Variants in NR1H3 observed in about 807,000 individuals in gnomAD.
NR1H3 encodes the protein oxysterols receptor LXR-alpha.
A neutral mutation model predicts 48.1 loss-of-function variants in NR1H3; 19 were observed. The ratio of observed to expected loss-of-function variants is 0.40; its 90% CI spans 0.28 to 0.58. The LOEUF is 0.58. NR1H3 is among the 20% of genes least tolerant of loss of function. NR1H3 has a pLI of 0.50. For missense variants in NR1H3, 486 were observed against 595.9 expected (o/e 0.82, Z 1.92); for synonymous variants, 232 against 227.3 (o/e 1.02, Z -0.19).
At chr11:47,266,478 G>GGC in intron 7 of NR1H3, among the ~76,000 whole-genome samples, 5 of 151,766 alleles carry the variant, frequency 3.3e-5, no homozygotes. Flanking sequence ...TGGGACTACA[G>GGC]GTGCGCCACC....
upstream of NR1H3, among the ~76,000 whole-genome samples, chr11:47,255,559 TTCTTTCTTTC>T (rs1338300878): frequency 4.3e-5 from 3 of 70,518 alleles, no homozygotes; most frequent in East Asian, 2.1e-3. Context: ...CTTTCTTTCT[TTCTTTCTTTC>T]TTTCTTTCTT....
upstream of NR1H3, chr11:47,257,909 C>T (rs2135599571): frequency 1.0e-6 from 1 of 985,124 alleles, no homozygotes; most frequent in East Asian, 1.1e-4. Flanking sequence ...GGGCTGTGGT[C>T]ACCAGGCAGG....
chr11:47,261,639 G>A lies in NR1H3; in HGVS notation c.801G>A (p.Glu267=). The change falls in exon 6 of 10, where the codon GAG becomes GAA. Residue 267 remains glutamate, a synonymous_variant. Transcript: ENST00000441012. ...AGCTGGCCATCGTCTCTGTGCAGGA[G>A]ATAGTTGACTTTGCTAAACAGCTAC... The part of the protein sequence containing the change: ...FTELAIVSVQ[E]IVDFAKQLPG... The A allele has an allele frequency of 6.2e-7, 1 of 1,614,248 alleles. No homozygotes were observed. Among genetic ancestry groups the A allele is most frequent in the East Asian group, 2.2e-5 (1 of 44,888 alleles).
intron 7 of NR1H3, among the ~76,000 whole-genome samples, chr11:47,263,212 G>A (rs1956091225): frequency 6.6e-6 from 1 of 151,014 alleles, no homozygotes. Context: ...GTCAAAAAGT[G>A]AACAAATCTT....
In NR1H3 at chr11:47,264,356, C is replaced by T. The variant is rs149601947; in HGVS notation, c.988+2338C>T. 3.9e-4 allele frequency among the ~76,000 whole-genome samples: 60 copies of T among 152,320 alleles called. No homozygotes were observed. The East Asian group carries it at 9.3e-3, about 24-fold the overall frequency. ...GCTCACGTGCCTCTTGCTCTCCCAA[C>T]GCAGTCCACCCAGTGAGCTTTCTAG... is the stretch of plus-strand genomic sequence containing the variant. On this transcript the variant is annotated intron_variant, in intron 7 of 9. Transcript: ENST00000441012.
At chr11:47,255,541 T>TTTTCTTTCTTTCTTTTTCTTTC (rs1955009469), upstream of NR1H3, among the ~76,000 whole-genome samples, 1 of 71,582 alleles carries the variant, frequency 1.4e-5, no homozygotes, top group African/African-American at 4.5e-5. Flanking sequence ...CTTTCTTTCT[T>TTTTCTTTCTTTCTTTTTCTTTC]TTTCTTTCTT....
chr11:47,261,888 T>A, intron 6 of NR1H3, 31 bp from the exon 7 acceptor site: 1 of 1,605,948 alleles, frequency 6.2e-7, no homozygotes, highest in Non-Finnish European at 8.5e-7. Context: ...GCCCTCCTAG[T>A]CCCCGTTTGA....
chr11:47,258,162 CTGTG>C, intron 1 of NR1H3, 33 bp downstream of exon 1: 3 of 984,526 alleles, frequency 3.0e-6, no homozygotes, highest in Admixed American at 6.2e-5. Context: ...GCCTGGGGCT[CTGTG>C]TGTGTATCTG....
In NR1H3 at chr11:47,259,170, C is replaced by T; in HGVS notation, c.-37-10C>T. 6.2e-7 allele frequency: 1 copy of T among 1,614,104 alleles called. No individual in the cohort carries two copies. Among genetic ancestry groups the T allele is most frequent in the East Asian group, 2.2e-5 (1 of 44,878 alleles). On this transcript the variant is annotated splice_polypyrimidine_tract_variant and intron_variant, in intron 1 of 9. Transcript: ENST00000441012. ...GTTCTAGAAGAGTATAATCTGGGTC[C>T]TTCCTGCAGGACAGTGCCTTGGTAA...
At chr11:47,248,847 A>C (rs1035330809), upstream of NR1H3, 2 of 1,552,962 alleles carry the variant, frequency 1.3e-6, no homozygotes, top group East Asian at 4.9e-5. Context: ...ACCTGCAAGC[A>C]GCCGCCCGGA....
At chr11:47,256,855 C>T (rs1273652756), upstream of NR1H3, among the ~76,000 whole-genome samples, 2 of 151,200 alleles carry the variant, frequency 1.3e-5, no homozygotes, top group Non-Finnish European at 2.9e-5. Context: ...CTCAGCCTCC[C>T]GAGTAGCTGG....
At chr11:47,248,318 C>CA, upstream of NR1H3, 1 of 1,052,402 alleles carries the variant, frequency 9.5e-7, no homozygotes, top group Non-Finnish European at 1.4e-6. Context: ...CTTAGCTAAG[C>CA]AATGCTACTG....
chr11:47,249,134 G>A, intron 1 of NR1H3: 1 of 838,850 alleles, frequency 1.2e-6, no homozygotes, highest in African/African-American at 1.7e-5. Flanking sequence ...CATGTCTGGA[G>A]AACCAGCGTC....
chr11:47,255,591 T>TCTCTCTCTCTCTC (rs1565178611), upstream of NR1H3, among the ~76,000 whole-genome samples: 4 of 59,450 alleles, frequency 6.7e-5, no homozygotes, highest in African/African-American at 3.4e-4. Flanking sequence ...CTTTCTTTCT[T>TCTCTCTCTCTCTC]TCTTTCTCTC....
chr11:47,266,482 C>T (rs770325000), intron 7 of NR1H3, among the ~76,000 whole-genome samples: 1 of 151,706 alleles, frequency 6.6e-6, no homozygotes, highest in Non-Finnish European at 1.5e-5. Context: ...ACTACAGGTG[C>T]GCCACCATGC....
At chr11:47,252,433 G>A (rs942828394) in intron 1 of NR1H3, among the ~76,000 whole-genome samples, 5 of 146,702 alleles carry the variant, frequency 3.4e-5, no homozygotes, top group Admixed American at 2.7e-4. Context: ...GGCTAATTTT[G>A]TATTTTTAGT....
At chr11:47,252,790 G>T (rs1236818062) in intron 1 of NR1H3, among the ~76,000 whole-genome samples, 1 of 148,052 alleles carries the variant, frequency 6.8e-6, no homozygotes, top group Non-Finnish European at 1.5e-5. Context: ...GGGTTTCGCC[G>T]TGTTAGCCTG....
upstream of NR1H3, among the ~76,000 whole-genome samples, chr11:47,253,598 G>A (rs959758036): frequency 6.6e-6 from 1 of 152,218 alleles, no homozygotes; most frequent in Non-Finnish European, 1.5e-5. Flanking sequence ...GTCCATCCCT[G>A]CAGACCTTAC....
chr11:47,248,826 C>T (rs535532913), upstream of NR1H3: 1,265 of 1,558,632 alleles, frequency 8.1e-4, 24 homozygotes, highest in South Asian at 0.014. Flanking sequence ...AGCTGGAACC[C>T]GCTGGGTGGC....
Sources: gnomAD v4.1 joint callset for allele counts (sites outside exome capture counted in the v4.1 genomes callset) on GRCh38, gnomAD v4.1.1 for gene constraint, MANE v1.5 for transcripts, NCBI Gene and HGNC (gene_info 2026-07-23, HGNC 2026-07-21) for gene names.